PLCB4: variants seen among roughly 807,000 people sequenced by gnomAD.
PLCB4 encodes the protein phospholipase C beta 4.
A neutral mutation model predicts 178.8 loss-of-function variants in PLCB4; 77 were observed. The observed-to-expected ratio is 0.43, with a 90% CI of 0.36 to 0.52. The LOEUF (loss-of-function observed/expected upper bound fraction) is 0.52. PLCB4 is among the 20% of genes least tolerant of loss of function. The probability of loss-of-function intolerance (pLI) is 0.00; values close to 1 mark genes in which losing one functional copy is unlikely to be tolerated. For synonymous variants in PLCB4, 496 were observed against 490.8 expected (o/e 1.01, Z -0.14); for missense variants, 1,024 against 1,453.4 (o/e 0.70, Z 4.80).
chr20:9,116,674 C>A (rs980887045), intron 2 of PLCB4, among the ~76,000 whole-genome samples: 1 of 152,010 alleles, frequency 6.6e-6, no homozygotes, highest in Non-Finnish European at 1.5e-5. Flanking sequence ...CTATTTTTGG[C>A]CCCTTTACCC....
At chr20:9,398,945 T>C (rs1385050853) in intron 19 of PLCB4, among the ~76,000 whole-genome samples, 2 of 152,194 alleles carry the variant, frequency 1.3e-5, no homozygotes, top group Non-Finnish European at 2.9e-5. Context: ...TACGTTACAG[T>C]ACTGCCCTTT....
At chr20:9,187,120 CCAG>C (rs1404438747) in intron 2 of PLCB4, among the ~76,000 whole-genome samples, 1 of 151,964 alleles carries the variant, frequency 6.6e-6, no homozygotes, top group Non-Finnish European at 1.5e-5. Flanking sequence ...CAGGTGCCTA[CCAG>C]CAGCCTGGAT....
At chr20:9,122,459 A>T (rs1483783884) in intron 2 of PLCB4, among the ~76,000 whole-genome samples, 1 of 152,122 alleles carries the variant, frequency 6.6e-6, no homozygotes, top group Non-Finnish European at 1.5e-5. Context: ...TATCCCAGGA[A>T]TCTTCTGTTA....
chr20:9,215,957 T>G (rs1384856184), intron 2 of PLCB4, among the ~76,000 whole-genome samples: 1 of 152,218 alleles, frequency 6.6e-6, no homozygotes, highest in African/African-American at 2.4e-5. Flanking sequence ...TCTTTTCATA[T>G]AGGTACAGAT....
At chr20:9,464,707 A>C (rs2043645580) in intron 35 of PLCB4, among the ~76,000 whole-genome samples, 1 of 152,188 alleles carries the variant, frequency 6.6e-6, no homozygotes, top group South Asian at 2.1e-4. Flanking sequence ...TCCTGGACAC[A>C]TACACCCTCC....
chr20:9,300,625 A>G (rs1409177523), intron 3 of PLCB4, among the ~76,000 whole-genome samples: 1 of 152,144 alleles, frequency 6.6e-6, no homozygotes, highest in Admixed American at 6.6e-5. Context: ...ATTAGTCCTC[A>G]AAGGGGCTTT....
rs530680576 is a variant in PLCB4, at chr20:9,276,417, T to A, written c.-15-31383T>A. The stretch of plus-strand genomic sequence containing the variant: ...TGGGGGCCTGAGAAGAGGAGCCAGA[T>A]GTGAGTCTCAGACGGGGAGGAATAC... On this transcript the variant is annotated intron_variant, in intron 3 of 39. Transcript: ENST00000378473. Among the ~76,000 whole-genome samples the A allele has an allele frequency of 5.9e-5, 9 of 152,168 alleles. No individual in the cohort carries two copies. The South Asian group carries it at 1.9e-3, about 32-fold the overall frequency.
At chr20:9,072,177 G>C (rs1482063121) in intron 1 of PLCB4, among the ~76,000 whole-genome samples, 1 of 152,172 alleles carries the variant, frequency 6.6e-6, no homozygotes, top group Non-Finnish European at 1.5e-5. Flanking sequence ...GTGACTTTCT[G>C]TGGTTTTGCT....
At chr20:9,304,245 G>C (rs192307318) in intron 3 of PLCB4, among the ~76,000 whole-genome samples, 116 of 151,742 alleles carry the variant, frequency 7.6e-4, no homozygotes, top group African/African-American at 2.5e-3. Flanking sequence ...GTGTGGGGGG[G>C]TGTGAATGTT....
chr20:9,281,461 T>A (rs2094494289), intron 3 of PLCB4, among the ~76,000 whole-genome samples: 1 of 151,934 alleles, frequency 6.6e-6, no homozygotes, highest in Non-Finnish European at 1.5e-5. Context: ...ATATTTAAAA[T>A]AAGTCATGGT....
intron 3 of PLCB4, among the ~76,000 whole-genome samples, chr20:9,270,241 G>A (rs541935316): frequency 6.6e-5 from 10 of 152,162 alleles, no homozygotes; most frequent in Non-Finnish European, 1.5e-4. Flanking sequence ...TATTAGATTT[G>A]ACAAATTCAT....
At chr20:9,358,770 G>A (rs1168239362) in intron 7 of PLCB4, among the ~76,000 whole-genome samples, 1 of 152,008 alleles carries the variant, frequency 6.6e-6, no homozygotes, top group Non-Finnish European at 1.5e-5. Context: ...GTGGTGGTGG[G>A]CACCCACAAT....
At chr20:9,204,259 T>C (rs2093588691) in intron 2 of PLCB4, among the ~76,000 whole-genome samples, 2 of 152,314 alleles carry the variant, frequency 1.3e-5, no homozygotes, top group Admixed American at 1.3e-4. Flanking sequence ...TCTTTTTTTT[T>C]TCATAGAGAT....
At chr20:9,144,875 A>G (rs1223909391) in intron 2 of PLCB4, among the ~76,000 whole-genome samples, 1 of 152,066 alleles carries the variant, frequency 6.6e-6, no homozygotes, top group African/African-American at 2.4e-5. Flanking sequence ...TCATTCATGT[A>G]ACATTGCCTA....
chr20:9,262,924 T>C (rs1244861668), intron 3 of PLCB4, among the ~76,000 whole-genome samples: 3 of 152,146 alleles, frequency 2.0e-5, no homozygotes, highest in Admixed American at 2.0e-4. Context: ...TCTAAAAATA[T>C]GAACTGGAAA....
At chr20:9,265,996 G>A (rs758305046) in intron 3 of PLCB4, among the ~76,000 whole-genome samples, 1 of 151,998 alleles carries the variant, frequency 6.6e-6, no homozygotes, top group Non-Finnish European at 1.5e-5. Context: ...AATAGTACTT[G>A]GAAAAAAGAA....
chr20:9,131,816 A>G (rs914800213), intron 2 of PLCB4, among the ~76,000 whole-genome samples: 1 of 152,114 alleles, frequency 6.6e-6, no homozygotes, highest in Non-Finnish European at 1.5e-5. Context: ...CATTAGTAAA[A>G]ATGATACAAG....
intron 3 of PLCB4, among the ~76,000 whole-genome samples, chr20:9,296,122 AATATC>A (rs1393906783): frequency 1.3e-5 from 2 of 152,212 alleles, no homozygotes; most frequent in African/African-American, 2.4e-5. Flanking sequence ...ACAAAGAGCT[AATATC>A]CAGAATCTAC....
intron 28 of PLCB4, among the ~76,000 whole-genome samples, chr20:9,431,341 C>A (rs1045372465): frequency 6.6e-6 from 1 of 152,008 alleles, no homozygotes; most frequent in Non-Finnish European, 1.5e-5. Context: ...TCATTTCAGT[C>A]CTCTTCTAAA....
Sources: allele counts gnomAD v4.1 joint callset (sites outside exome capture counted in the v4.1 genomes callset), GRCh38; gene constraint gnomAD v4.1.1; transcripts MANE v1.5; gene names NCBI Gene and HGNC (gene_info 2026-07-23, HGNC 2026-07-21).